The following BTBD9 variants were observed in gnomAD, a reference collection of about 807,000 sequenced individuals.
BTBD9 encodes the protein BTB/POZ domain-containing protein 9.
A neutral mutation model predicts 64.3 loss-of-function variants in BTBD9; 49 were observed. That is an observed-to-expected ratio of 0.76 (90% CI 0.61 to 0.97). BTBD9 has a LOEUF of 0.97. Among genes scored for constraint, BTBD9 ranks in the 50% least tolerant of loss-of-function variants. The pLI is 0.00. For missense variants in BTBD9, 598 were observed against 762.1 expected, an observed-to-expected ratio of 0.78 and a Z score of 2.53; for synonymous variants, 260 against 274.7, an observed-to-expected ratio of 0.95 and a Z score of 0.53.
intron 8 of BTBD9, among the ~76,000 whole-genome samples, chr6:38,282,582 G>A (rs950969807): frequency 6.6e-5 from 10 of 152,106 alleles, no homozygotes; most frequent in Non-Finnish European, 1.2e-4. Flanking sequence ...TGGTGGTGGC[G>A]GGGTGGGATG....
chr6:38,315,691 G>C (rs1234292338), intron 7 of BTBD9, among the ~76,000 whole-genome samples: 1 of 152,074 alleles, frequency 6.6e-6, no homozygotes, highest in African/African-American at 2.4e-5. Context: ...TATTATTTCA[G>C]TTTTTTTGAA....
At chr6:38,208,738 C>G (rs1269930381) in intron 9 of BTBD9, among the ~76,000 whole-genome samples, 1 of 152,200 alleles carries the variant, frequency 6.6e-6, no homozygotes, top group Non-Finnish European at 1.5e-5. Flanking sequence ...GATTTTATAG[C>G]TGTCTCGCTG....
intron 6 of BTBD9, among the ~76,000 whole-genome samples, chr6:38,467,904 C>T (rs771128229): frequency 1.3e-5 from 2 of 152,164 alleles, no homozygotes; most frequent in Non-Finnish European, 1.5e-5. Flanking sequence ...TTCAGTGCCT[C>T]GTTATCATAG....
intron 7 of BTBD9, among the ~76,000 whole-genome samples, chr6:38,314,591 G>A (rs1208924264): frequency 6.6e-6 from 1 of 151,918 alleles, no homozygotes; most frequent in Non-Finnish European, 1.5e-5. Flanking sequence ...TTGGGTCCTG[G>A]GCTTTTCTTT....
intron 1 of BTBD9, among the ~76,000 whole-genome samples, chr6:38,622,161 T>C (rs1054901510): frequency 2.6e-5 from 4 of 152,224 alleles, no homozygotes; most frequent in African/African-American, 4.8e-5. Context: ...AGTCAAAGCC[T>C]GTGAGGTGTG....
At chr6:38,370,258 T>C (rs1765362928) in intron 6 of BTBD9, among the ~76,000 whole-genome samples, 1 of 150,274 alleles carries the variant, frequency 6.7e-6, no homozygotes, top group South Asian at 2.1e-4. Flanking sequence ...TTTGAATATA[T>C]TATTTTTGTG....
chr6:38,309,515 C>G (rs898774929), intron 7 of BTBD9, among the ~76,000 whole-genome samples: 1 of 151,562 alleles, frequency 6.6e-6, no homozygotes, highest in Non-Finnish European at 1.5e-5. Context: ...CTGGTTCAAG[C>G]GATTCTCCTG....
chr6:38,339,488 T>G (rs1023990284), intron 7 of BTBD9, among the ~76,000 whole-genome samples: 1 of 151,482 alleles, frequency 6.6e-6, no homozygotes, highest in African/African-American at 2.4e-5. Context: ...AAAAAGAAAA[T>G]AAAAGAAAAA....
At chr6:38,477,745 G>A (rs1442081348) in intron 6 of BTBD9, among the ~76,000 whole-genome samples, 3 of 152,170 alleles carry the variant, frequency 2.0e-5, no homozygotes, top group African/African-American at 7.2e-5. Flanking sequence ...AATACGAACT[G>A]GGGGTATTTG....
chr6:38,411,888 G>A (rs1295708740), intron 6 of BTBD9, among the ~76,000 whole-genome samples: 1 of 152,110 alleles, frequency 6.6e-6, no homozygotes, highest in Non-Finnish European at 1.5e-5. Flanking sequence ...AATGAGCCAA[G>A]ATTGTGTCAT....
intron 8 of BTBD9, among the ~76,000 whole-genome samples, chr6:38,263,904 A>G: frequency 6.6e-6 from 1 of 152,200 alleles, no homozygotes; most frequent in East Asian, 1.9e-4. Context: ...AGTGCACTGG[A>G]CAGAAAAGGT....
At position 38,589,283 on chromosome 6, in the gene BTBD9, A is replaced by T. The variant is rs1382356744; in HGVS notation, c.814+3293T>A. ...TAACCCAGGTACTACCCTTATACTG[A>T]CCAGTTGATCAATTCCAAACTACCA... is the stretch of plus-strand genomic sequence containing the variant. On this transcript the variant is annotated intron_variant, in intron 4 of 10. Coordinates refer to ENST00000481247, the MANE Select transcript of BTBD9 (RefSeq NM_001099272.2). 2.6e-5 allele frequency among the ~76,000 whole-genome samples: 4 copies of T among 152,168 alleles called. 1 individual carries two copies. The highest frequency in any genetic ancestry group is 2.6e-4 in the Admixed American group (4 of 15,262).
rs1282896109 is a variant in BTBD9, at chr6:38,374,294, T to TATACAC, written c.1155-29202_1155-29201insGTGTAT. ...GAAAAAAAAAAAAAGTATATATATA[T>TATACAC]ATGTATATATATGTATATATATATA... On this transcript the variant is annotated intron_variant, in intron 6 of 10. Transcript: ENST00000481247. Among the ~76,000 whole-genome samples the TATACAC allele has an allele frequency of 6.9e-3, 557 of 80,374 alleles. 73 individuals are homozygous for TATACAC. The highest frequency in any genetic ancestry group is 0.042 in the African/African-American group (542 of 12,968). 52.7% of individuals were successfully genotyped at this position (80,374 alleles called of 152,430 possible).
chr6:38,585,826 C>T (rs186176454), intron 4 of BTBD9, among the ~76,000 whole-genome samples: 2 of 152,082 alleles, frequency 1.3e-5, no homozygotes, highest in Admixed American at 1.3e-4. Flanking sequence ...GTTCAAAAAG[C>T]TCAACCTAGT....
chr6:38,581,996 A>G (rs1048357734), intron 4 of BTBD9, among the ~76,000 whole-genome samples: 3 of 152,254 alleles, frequency 2.0e-5, no homozygotes, highest in Non-Finnish European at 4.4e-5. Context: ...TGAATACGGG[A>G]AAGTCTGGGC....
At chr6:38,525,398 T>C (rs1431364840) in intron 6 of BTBD9, among the ~76,000 whole-genome samples, 1 of 152,182 alleles carries the variant, frequency 6.6e-6, no homozygotes, top group Non-Finnish European at 1.5e-5. Context: ...CGGTCTCAGG[T>C]AGTATCTTTA....
intron 7 of BTBD9, among the ~76,000 whole-genome samples, chr6:38,291,599 T>G (rs1761956256): frequency 6.6e-6 from 1 of 152,226 alleles, no homozygotes; most frequent in African/African-American, 2.4e-5. Flanking sequence ...TTCCAGCTTT[T>G]GCCCATTCAG....
intron 6 of BTBD9, chr6:38,571,880 A>C (rs62399160): frequency 0.091 from 13,926 of 152,206 alleles, 695 homozygotes; most frequent in East Asian, 0.26. Flanking sequence ...GAATCATTTG[A>C]GCCCAGCAGG....
intron 6 of BTBD9, among the ~76,000 whole-genome samples, chr6:38,511,555 C>T (rs1049619359): frequency 1.3e-5 from 2 of 151,984 alleles, no homozygotes; most frequent in African/African-American, 4.8e-5. Context: ...GTTGCCCAGG[C>T]TGGTCTCGAA....
Sources: gnomAD v4.1 joint callset for allele counts (sites outside exome capture counted in the v4.1 genomes callset) on GRCh38, gnomAD v4.1.1 for gene constraint, MANE v1.5 for transcripts, NCBI Gene and HGNC (gene_info 2026-07-23, HGNC 2026-07-21) for gene names.